Variants in PLAG1 observed in about 807,000 individuals in gnomAD.
PLAG1 encodes PLAG1 zinc finger, also known as zinc finger protein PLAG1.
In PLAG1, 7 loss-of-function variants were observed where a neutral mutation model predicts 35.5. That is an observed-to-expected ratio of 0.20 (90% CI 0.11 to 0.37). The LOEUF (loss-of-function observed/expected upper bound fraction) is 0.37. Ranked by LOEUF, PLAG1 falls within the 10% of genes least tolerant of loss-of-function variation. The probability of loss-of-function intolerance (pLI) is 1.00; values close to 1 mark genes in which losing one functional copy is unlikely to be tolerated. For missense variants in PLAG1, 454 were observed against 602.8 expected (o/e 0.75, Z 2.58); for synonymous variants, 229 against 225.4 (o/e 1.02, Z -0.14).
At position 56,185,447 on chromosome 8, in the gene PLAG1, A is replaced by G. The variant is rs1256902982; in HGVS notation, c.-321-5934T>C. Among the ~76,000 whole-genome samples the G allele has an allele frequency of 2.0e-5, 3 of 152,350 alleles. No individual in the cohort carries two copies. The East Asian group carries it at 5.8e-4, about 29-fold the overall frequency. ...TAAAAAACAAAATGATGAGAAACTC[A>G]TCATCACATAAATTTACAGAAGTAC... On this transcript the variant is annotated intron_variant, in intron 1 of 4. Transcript: ENST00000316981.
intron 1 of PLAG1, among the ~76,000 whole-genome samples, chr8:56,203,256 C>G (rs918078517): frequency 6.6e-6 from 1 of 152,102 alleles, no homozygotes. Flanking sequence ...AAACAACTAT[C>G]TGAATTAAAA....
chr8:56,171,759 C>A (rs115245115), intron 2 of PLAG1, among the ~76,000 whole-genome samples: 2,073 of 152,286 alleles, frequency 0.014, 51 homozygotes, highest in African/African-American at 0.047. Context: ...CAACTCTGCA[C>A]TCTTTAGATT....
chr8:56,184,592 T>C (rs944321441), intron 1 of PLAG1, among the ~76,000 whole-genome samples: 1 of 152,154 alleles, frequency 6.6e-6, no homozygotes, highest in Non-Finnish European at 1.5e-5. Flanking sequence ...GGTCTATCCT[T>C]GTGTGAATGG....
At chr8:56,205,545 TG>T (rs1316977382) in intron 1 of PLAG1, among the ~76,000 whole-genome samples, 5 of 151,876 alleles carry the variant, frequency 3.3e-5, no homozygotes, top group African/African-American at 1.2e-4. Flanking sequence ...ACTTTTGCCT[TG>T]TAGTTGGTTA....
rs1811411132 is a variant in PLAG1 at position 56,168,056 on chromosome 8, C to T, written c.214G>A (p.Ala72Thr). ...YKCIQQDCTK[A>T]FVSKYKLQRH... ...TGTAATTTGTACTTAGAAACAAAGG[C>T]CTTGGTGCAGTCTTGTTGTATGCAC... Residue 72 changes from alanine to threonine, a missense_variant, in exon 4 of 5, where the codon GCC (alanine) becomes ACC (threonine). Physicochemically the swap from Ala to Thr is moderately conservative, Grantham distance 58 (BLOSUM62 0). Around this residue, in one of 4 missense-constraint regions of PLAG1, gnomAD observed 170 missense variants for 226.3 expected, o/e 0.75. Coordinates refer to ENST00000316981, the MANE Select transcript of PLAG1 (RefSeq NM_002655.3). 1.3e-6 allele frequency: 2 copies of T among 1,594,986 alleles called. No homozygotes were observed. Among genetic ancestry groups the T allele is most frequent in the South Asian group, 2.2e-5 (2 of 89,318 alleles).
At chr8:56,179,539 T>A (rs1289320692) in intron 1 of PLAG1, 26 bp from the exon 2 acceptor site, 24 of 701,484 alleles carry the variant, frequency 3.4e-5, no homozygotes, top group Non-Finnish European at 3.2e-5. Flanking sequence ...GAGTTAGTTT[T>A]AAATTCCAAA....
At chr8:56,191,013 C>T (rs188348686) in intron 1 of PLAG1, among the ~76,000 whole-genome samples, 415 of 152,150 alleles carry the variant, frequency 2.7e-3, no homozygotes, top group African/African-American at 9.5e-3. Flanking sequence ...CCCGGCGCTA[C>T]GGAATTTAAA....
chr8:56,179,333 A>G (rs1563380195), intron 2 of PLAG1, 76 bp downstream of exon 2: 1 of 175,772 alleles, frequency 5.7e-6, no homozygotes, highest in Non-Finnish European at 1.1e-5. Context: ...TTTTAATATT[A>G]TATCTTATAG....
chr8:56,184,421 G>T (rs1284169963), intron 1 of PLAG1, among the ~76,000 whole-genome samples: 8 of 152,120 alleles, frequency 5.3e-5, no homozygotes, highest in Admixed American at 2.0e-4. Context: ...AAAACAGTTT[G>T]GCAATTTATT....
At chr8:56,171,862 G>A (rs1261377622) in intron 2 of PLAG1, among the ~76,000 whole-genome samples, 1 of 152,184 alleles carries the variant, frequency 6.6e-6, no homozygotes, top group African/African-American at 2.4e-5. Flanking sequence ...GGTCATTGTT[G>A]AAAACTCTTA....
rs1226989306 is a variant in PLAG1, at chr8:56,165,808, T to C, written c.*435A>G. ...CCATTTAGAAGCTAGTAAGAAAATT[T>C]AAACCCTTGAGTTATTCACAAACTT... On this transcript the variant is annotated 3_prime_UTR_variant, in exon 5 of 5. Transcript: ENST00000316981. 1 of 196,398 alleles carries C rather than the reference T, an allele frequency of 5.1e-6. No individual in the cohort carries two copies. The highest frequency in any genetic ancestry group is 1.9e-4 in the South Asian group (1 of 5,190). The allele number at this position is 196,398 out of a possible 1,614,324, so 12.2% of individuals were successfully genotyped here.
intron 1 of PLAG1, among the ~76,000 whole-genome samples, chr8:56,197,741 GTCTGT>G (rs1247263136): frequency 2.0e-5 from 3 of 152,174 alleles, no homozygotes; most frequent in Non-Finnish European, 4.4e-5. Flanking sequence ...ATGCATCTGT[GTCTGT>G]CTTTCTTTGG....
chr8:56,185,286 A>G (rs1028968665), intron 1 of PLAG1, among the ~76,000 whole-genome samples: 1 of 152,198 alleles, frequency 6.6e-6, no homozygotes, highest in African/African-American at 2.4e-5. Flanking sequence ...TATGTTGACA[A>G]TGGTGATGGT....
In PLAG1 at chr8:56,200,404, C is replaced by T. The variant is rs531240335; in HGVS notation, c.-322+10717G>A. Among the ~76,000 whole-genome samples the T allele has an allele frequency of 1.2e-4, 19 of 152,302 alleles. No homozygotes were observed. In the South Asian group the frequency reaches 1.5e-3, roughly 12 times the overall value. ...GCAGAATGGACCTAGTGGTAAAGACCGGAGACCTCTGCGTGCAGCGGGCCC... is the reference window on the plus strand; with the variant it reads ...GCAGAATGGACCTAGTGGTAAAGACTGGAGACCTCTGCGTGCAGCGGGCCC... On this transcript the variant is annotated intron_variant, in intron 1 of 4. Transcript: ENST00000316981.
Position 56,166,681 on chromosome 8 carries a change from T to C in PLAG1, c.1065A>G (p.Glu355=). ...IPEKEQPLKG[E]IESYLMELQG... The stretch of plus-strand genomic sequence containing the variant: ...GTAACTCCATCAGGTAACTCTCAAT[T>C]TCCCCCTTTAATGGCTGTTCTTTTT... The change falls in exon 5 of 5, where the codon GAA becomes GAG. Residue 355 remains glutamate, a synonymous_variant. Coordinates refer to ENST00000316981, the MANE Select transcript of PLAG1 (RefSeq NM_002655.3). 1 of 1,614,088 alleles carries C rather than the reference T, an allele frequency of 6.2e-7. No homozygotes were observed. The highest frequency in any genetic ancestry group is 8.5e-7 in the Non-Finnish European group (1 of 1,179,964).
At chr8:56,176,093 T>C (rs553706119) in intron 2 of PLAG1, among the ~76,000 whole-genome samples, 11 of 149,572 alleles carry the variant, frequency 7.4e-5, no homozygotes, top group African/African-American at 2.5e-4. Context: ...TCACCTAGGC[T>C]GGATGGAGTA....
chr8:56,169,429 T>G (rs964423963), intron 3 of PLAG1, among the ~76,000 whole-genome samples: 1 of 152,184 alleles, frequency 6.6e-6, no homozygotes, highest in Non-Finnish European at 1.5e-5. Flanking sequence ...TTAAAACCTT[T>G]AAAAATTCAT....
intron 2 of PLAG1, among the ~76,000 whole-genome samples, chr8:56,176,046 CTTTTTT>C (rs1309523141): frequency 1.5e-5 from 2 of 130,104 alleles, no homozygotes; most frequent in Non-Finnish European, 3.3e-5. Flanking sequence ...TTTTCCTTTT[CTTTTTT>C]TTTTTTTTTT....
At position 56,166,303 on chromosome 8, in the gene PLAG1, A is replaced by C. The variant is rs1394002221; in HGVS notation, c.1443T>G (p.Ala481=). The C allele has an allele frequency of 6.2e-7, 1 of 1,612,352 alleles. No homozygotes were observed. The highest frequency in any genetic ancestry group is 2.2e-5 in the East Asian group (1 of 44,866). ...GLGSLHSLSA[A]FTSSLSTSTT... ...TACTTGTGCTTAAACTGCTGGTGAA[A>C]GCTGCTGACAGTGAGTGCAGAGACC... Residue 481 remains alanine (A), a synonymous_variant, in exon 5 of 5, where the codon GCT becomes GCG. Transcript: ENST00000316981.
Sources: gnomAD v4.1 joint callset for allele counts (sites outside exome capture counted in the v4.1 genomes callset) on GRCh38, gnomAD v4.1.1 for gene constraint, gnomAD v4.1.1 regional missense constraint, MANE v1.5 for transcripts, NCBI Gene and HGNC (gene_info 2026-07-23, HGNC 2026-07-21) for gene names.